Variants in DCDC1 observed in about 807,000 individuals in gnomAD.
DCDC1 encodes the protein doublecortin domain containing 1.
A neutral mutation model predicts 178.3 loss-of-function variants in DCDC1; 200 were observed. That is an observed-to-expected ratio of 1.12 (90% CI 1.00 to 1.26). The LOEUF (loss-of-function observed/expected upper bound fraction) is 1.26. DCDC1 is among the 50% of genes most tolerant of loss of function. The pLI, the probability that DCDC1 is intolerant of heterozygous loss-of-function variation, is 0.00. For missense variants in DCDC1, 1,983 were observed against 1,749.2 expected (o/e 1.13, Z -2.38); for synonymous variants, 690 against 604.8 (o/e 1.14, Z -2.07).
rs1222249983 is a variant in DCDC1, at chr11:31,350,174, T to G, written c.-124-14610A>C. Among the ~76,000 whole-genome samples, 3 of 152,188 alleles carry G rather than the reference T, an allele frequency of 2.0e-5. No homozygotes were observed. The East Asian group carries it at 5.8e-4, about 29-fold the overall frequency. ...CAGAAGTATTATATGAAAGCCCATCTAACAGTACCCATTAGTGGAGCAAAA... is the reference window on the plus strand; with the variant it reads ...CAGAAGTATTATATGAAAGCCCATCGAACAGTACCCATTAGTGGAGCAAAA... On this transcript the variant is annotated intron_variant, in intron 1 of 38. Transcript: ENST00000684477.
intron 9 of DCDC1, among the ~76,000 whole-genome samples, chr11:31,142,388 A>G (rs1963929381): frequency 6.6e-6 from 1 of 152,188 alleles, no homozygotes; most frequent in South Asian, 2.1e-4. Flanking sequence ...ACTGGTGGAA[A>G]GGTCAACATA....
At position 31,306,252 on chromosome 11, in the gene DCDC1, T is replaced by C. The variant is rs773636269; in HGVS notation, c.571A>G (p.Thr191Ala). ...GTTACCAAGGTGATGGTTGGTACAG[T>C]AACTCTGGCAAAGACTGTTCTAGAT... ...NGSRTVFARV[T>A]VPTITLLLEE... The change falls in exon 5 of 39, where the codon ACT (threonine) becomes GCT (alanine). Residue 191 changes from threonine (T) to alanine (A), a missense_variant. Thr to Ala is a moderately conservative substitution (Grantham distance 58). Coordinates refer to ENST00000684477, the MANE Select transcript of DCDC1 (RefSeq NM_001387274.1). The C allele has an allele frequency of 5.0e-6, 8 of 1,590,300 alleles. No homozygotes were observed. The highest frequency in any genetic ancestry group is 6.8e-6 in the Non-Finnish European group (8 of 1,168,418).
intron 20 of DCDC1, among the ~76,000 whole-genome samples, chr11:31,062,188 G>T (rs963037274): frequency 5.3e-5 from 8 of 152,034 alleles, no homozygotes; most frequent in Admixed American, 2.6e-4. Flanking sequence ...TAAAGCCCAG[G>T]ATAAGGATGA....
At chr11:30,885,919 G>C (rs1190263359) in intron 36 of DCDC1, among the ~76,000 whole-genome samples, 1 of 151,960 alleles carries the variant, frequency 6.6e-6, no homozygotes, top group Non-Finnish European at 1.5e-5. Context: ...CTTCATAATA[G>C]CAAAAAATTA....
chr11:31,273,063 G>T (rs916228964), intron 7 of DCDC1, among the ~76,000 whole-genome samples: 1 of 152,164 alleles, frequency 6.6e-6, no homozygotes, highest in Non-Finnish European at 1.5e-5. Context: ...GGGACCCTGG[G>T]CCCGGCCCAC....
chr11:31,160,980 TTA>T (rs1418519107), intron 9 of DCDC1, among the ~76,000 whole-genome samples: 11 of 152,308 alleles, frequency 7.2e-5, no homozygotes, highest in Non-Finnish European at 1.0e-4. Context: ...TAGGAATTTG[TTA>T]TGTTTGTACA....
At chr11:31,029,557 T>A (rs1450671778) in intron 20 of DCDC1, among the ~76,000 whole-genome samples, 1 of 152,050 alleles carries the variant, frequency 6.6e-6, no homozygotes, top group Non-Finnish European at 1.5e-5. Flanking sequence ...ATTGACATTA[T>A]TTTAGCAAAC....
chr11:31,074,470 G>C (rs1956752351), intron 18 of DCDC1, among the ~76,000 whole-genome samples: 1 of 152,058 alleles, frequency 6.6e-6, no homozygotes, highest in Non-Finnish European at 1.5e-5. Flanking sequence ...TTATAGAAAG[G>C]CTCAAGGGAG....
intron 9 of DCDC1, among the ~76,000 whole-genome samples, chr11:31,151,556 A>G (rs1965171591): frequency 6.6e-6 from 1 of 152,230 alleles, no homozygotes; most frequent in Non-Finnish European, 1.5e-5. Flanking sequence ...TTATTTTTTC[A>G]TACTGAAAAT....
intron 15 of DCDC1, among the ~76,000 whole-genome samples, chr11:31,095,322 C>A (rs1034186430): frequency 6.6e-6 from 1 of 152,070 alleles, no homozygotes; most frequent in African/African-American, 2.4e-5. Flanking sequence ...ATTGCTGGGT[C>A]AATGGCATTT....
intron 20 of DCDC1, among the ~76,000 whole-genome samples, chr11:31,020,583 A>G (rs545188626): frequency 6.6e-6 from 1 of 152,216 alleles, no homozygotes; most frequent in South Asian, 2.1e-4. Context: ...AATATCTCTT[A>G]GATTATTTTA....
chr11:30,935,722 T>C (rs1947237053), intron 21 of DCDC1, among the ~76,000 whole-genome samples: 1 of 151,990 alleles, frequency 6.6e-6, no homozygotes, highest in Non-Finnish European at 1.5e-5. Flanking sequence ...CCCAGCTATG[T>C]TTTGTATTTT....
intron 8 of DCDC1, chr11:31,262,901 G>A: frequency 1.6e-6 from 1 of 638,166 alleles, no homozygotes; most frequent in East Asian, 2.8e-5. Flanking sequence ...ACATGTTAGT[G>A]GTTGCACAGG....
intron 9 of DCDC1, among the ~76,000 whole-genome samples, chr11:31,213,061 G>A (rs150842544): frequency 1.4e-4 from 20 of 144,906 alleles, no homozygotes; most frequent in Admixed American, 7.6e-4. Context: ...ATAGACATGT[G>A]CATTGGTGAA....
intron 20 of DCDC1, among the ~76,000 whole-genome samples, chr11:30,958,132 C>T (rs1191731477): frequency 1.3e-5 from 2 of 152,144 alleles, no homozygotes; most frequent in Non-Finnish European, 2.9e-5. Context: ...GTAACCAGAG[C>T]TGTGGATATA....
rs1950843705 is a variant in DCDC1, at chr11:30,989,344, C to A, written c.2592-36776G>T. Among the ~76,000 whole-genome samples, 3 of 152,068 alleles carry A rather than the reference C, an allele frequency of 2.0e-5. No individual in the cohort carries two copies. In the South Asian group the frequency reaches 6.2e-4, roughly 32 times the overall value. ...AATATTTCATTTAATGTGAGTGAAA[C>A]CATGTTCCAAAATCAAGATCATTTA... On this transcript the variant is annotated intron_variant, in intron 20 of 38. Transcript: ENST00000684477.
intron 25 of DCDC1, among the ~76,000 whole-genome samples, chr11:30,918,420 C>G (rs776141403): frequency 6.6e-6 from 1 of 152,044 alleles, no homozygotes; most frequent in African/African-American, 2.4e-5. Flanking sequence ...AGTTTACATT[C>G]TAGTGGGAAG....
intron 20 of DCDC1, among the ~76,000 whole-genome samples, chr11:30,992,034 C>T (rs146604697): frequency 1.4e-4 from 21 of 152,244 alleles, no homozygotes; most frequent in Non-Finnish European, 2.4e-4. Flanking sequence ...GAAAATGGTA[C>T]GCTCCCTGTC....
At chr11:31,179,543 C>T (rs1441294690) in intron 9 of DCDC1, among the ~76,000 whole-genome samples, 1 of 152,176 alleles carries the variant, frequency 6.6e-6, no homozygotes, top group African/African-American at 2.4e-5. Context: ...TGAATCTAGA[C>T]ATCATGTTAA....
Sources: gnomAD v4.1 joint callset for allele counts (sites outside exome capture counted in the v4.1 genomes callset) on GRCh38, gnomAD v4.1.1 for gene constraint, MANE v1.5 for transcripts, NCBI Gene and HGNC (gene_info 2026-07-23, HGNC 2026-07-21) for gene names.